The following DLG2 variants were observed in gnomAD, a reference collection of about 807,000 sequenced individuals.
DLG2 encodes the protein disks large homolog 2.
DLG2 carries 45 observed loss-of-function variants against 132.5 expected under a neutral mutation model. The ratio of observed to expected loss-of-function variants is 0.34; its 90% CI spans 0.27 to 0.44. DLG2 has a LOEUF of 0.44. DLG2 is among the 20% of genes least tolerant of loss of function. The pLI, the probability that DLG2 is intolerant of heterozygous loss-of-function variation, is 1.00. For synonymous variants in DLG2, 424 were observed against 419.6 expected, an observed-to-expected ratio of 1.01 and a Z score of -0.13; for missense variants, 1,045 against 1,196.9, an observed-to-expected ratio of 0.87 and a Z score of 1.87.
chr11:84,362,096 G>C (rs556243113), intron 7 of DLG2, among the ~76,000 whole-genome samples: 1 of 151,890 alleles, frequency 6.6e-6, no homozygotes, highest in African/African-American at 2.4e-5. Flanking sequence ...TTAAAAGGTA[G>C]AGATTGATGG....
At chr11:84,017,282 G>A (rs941088941) in intron 11 of DLG2, among the ~76,000 whole-genome samples, 3 of 151,870 alleles carry the variant, frequency 2.0e-5, no homozygotes, top group African/African-American at 7.3e-5. Flanking sequence ...ATAGTCTTCT[G>A]CCTACAAATT....
At chr11:84,913,322 C>T (rs2092243211) in intron 6 of DLG2, among the ~76,000 whole-genome samples, 1 of 152,126 alleles carries the variant, frequency 6.6e-6, no homozygotes, top group South Asian at 2.1e-4. Context: ...CCTGTTAGAA[C>T]TACAATGGCA....
chr11:84,907,067 A>T (rs1489483229), intron 6 of DLG2, among the ~76,000 whole-genome samples: 1 of 152,222 alleles, frequency 6.6e-6, no homozygotes. Context: ...ATTTGTTTTC[A>T]TGAGAGACTA....
intron 14 of DLG2, among the ~76,000 whole-genome samples, chr11:83,959,752 A>T (rs1347614433): frequency 1.3e-5 from 2 of 152,052 alleles, no homozygotes; most frequent in Non-Finnish European, 2.9e-5. Context: ...GGCCTTTGAA[A>T]ACAGACAGAC....
intron 6 of DLG2, chr11:84,955,259 C>A (rs1389646795): frequency 6.6e-6 from 1 of 152,134 alleles, no homozygotes; most frequent in Non-Finnish European, 1.5e-5. Context: ...ACCAGTCATT[C>A]TTTTAAATAA....
At chr11:83,734,448 C>G (rs2091603780) in intron 18 of DLG2, among the ~76,000 whole-genome samples, 1 of 149,046 alleles carries the variant, frequency 6.7e-6, no homozygotes, top group African/African-American at 2.5e-5. Context: ...CTCTCTGTCT[C>G]TCTCTCTCTT....
intron 19 of DLG2, among the ~76,000 whole-genome samples, chr11:83,563,907 C>T (rs149723084): frequency 1.4e-4 from 21 of 152,330 alleles, no homozygotes; most frequent in Non-Finnish European, 2.2e-4. Flanking sequence ...AAGCACTTCA[C>T]TGTCTTCGTA....
At chr11:84,269,408 T>C (rs2097690548) in intron 7 of DLG2, among the ~76,000 whole-genome samples, 1 of 152,252 alleles carries the variant, frequency 6.6e-6, no homozygotes, top group Non-Finnish European at 1.5e-5. Context: ...TCTTCTTCCA[T>C]CATTACTGAG....
chr11:85,216,700 CT>C (rs71465024), intron 4 of DLG2, among the ~76,000 whole-genome samples: 9 of 149,278 alleles, frequency 6.0e-5, no homozygotes, highest in Admixed American at 2.7e-4. Context: ...GTTAAAATAC[CT>C]TTTTTTTTTC....
chr11:83,466,626 C>T, intron 26 of DLG2, 82 bp downstream of exon 26: 2 of 703,534 alleles, frequency 2.8e-6, no homozygotes. Context: ...TAAGCATTCC[C>T]AGCAAAATCC....
chr11:83,800,978 C>T (rs1189942439), intron 17 of DLG2, among the ~76,000 whole-genome samples: 1 of 152,190 alleles, frequency 6.6e-6, no homozygotes, highest in Non-Finnish European at 1.5e-5. Flanking sequence ...GCTTACTTGA[C>T]ATCTGCAGAT....
At chr11:84,082,513 A>G (rs1355132523) in intron 10 of DLG2, among the ~76,000 whole-genome samples, 2 of 152,202 alleles carry the variant, frequency 1.3e-5, no homozygotes, top group Non-Finnish European at 2.9e-5. Context: ...TAAAACACCA[A>G]TCCACACTGA....
At chr11:85,402,955 C>A (rs1359017747) in intron 3 of DLG2, among the ~76,000 whole-genome samples, 4 of 152,140 alleles carry the variant, frequency 2.6e-5, no homozygotes, top group African/African-American at 9.7e-5. Context: ...GGATCTAGAA[C>A]TGGCAATACC....
intron 5 of DLG2, among the ~76,000 whole-genome samples, chr11:85,128,298 C>A (rs55969005): frequency 1.8e-4 from 27 of 151,974 alleles, no homozygotes; most frequent in Non-Finnish European, 2.9e-4. Flanking sequence ...CCCACTACTA[C>A]TATTTAAGAT....
intron 4 of DLG2, among the ~76,000 whole-genome samples, chr11:85,182,203 G>C (rs908555838): frequency 4.0e-5 from 6 of 151,730 alleles, no homozygotes; most frequent in African/African-American, 1.5e-4. Context: ...TCTTACGAGG[G>C]AACTGTCAAC....
At chr11:84,847,555 C>T (rs2081630936) in intron 6 of DLG2, among the ~76,000 whole-genome samples, 1 of 152,042 alleles carries the variant, frequency 6.6e-6, no homozygotes, top group Admixed American at 6.6e-5. Flanking sequence ...CTAGGACTTG[C>T]TAGGTTGGAG....
chr11:83,460,999 GTTTTTTTTTTTTT>G (rs10591072), intron 27 of DLG2, among the ~76,000 whole-genome samples: 10 of 107,072 alleles, frequency 9.3e-5, no homozygotes, highest in Non-Finnish European at 1.7e-4. Context: ...AAGTTCTTGG[GTTTTTTTTTTTTT>G]TTTTTTTTTT....
At chr11:85,331,705 T>C (rs1596306081) in intron 3 of DLG2, among the ~76,000 whole-genome samples, 1 of 152,226 alleles carries the variant, frequency 6.6e-6, no homozygotes, top group Admixed American at 6.5e-5. Context: ...TGCATATACG[T>C]GAAAACATGA....
chr11:85,007,664 C>CAAAAAAAAAAAAAAAAAAAAAAAA (rs57188165), intron 6 of DLG2, among the ~76,000 whole-genome samples: 2 of 88,534 alleles, frequency 2.3e-5, no homozygotes, highest in African/African-American at 8.5e-5. Flanking sequence ...GACTCCGTCT[C>CAAAAAAAAAAAAAAAAAAAAAAAA]AAAAAAAAAA....
Sources: gnomAD v4.1 joint callset for allele counts (sites outside exome capture counted in the v4.1 genomes callset) on GRCh38, gnomAD v4.1.1 for gene constraint, MANE v1.5 for transcripts, NCBI Gene and HGNC (gene_info 2026-07-23, HGNC 2026-07-21) for gene names.